Variants in LRBA observed in about 807,000 individuals in gnomAD.
LRBA encodes LPS responsive beige-like anchor protein.
Under a neutral mutation model 330.0 loss-of-function variants are expected in LRBA, and 176 were observed. That is an observed-to-expected ratio of 0.53 (90% CI 0.47 to 0.60). The LOEUF is 0.60. LRBA is among the 20% of genes least tolerant of loss of function. The pLI is 0.00. For missense variants in LRBA, 3,259 were observed against 3,444.8 expected (o/e 0.95, Z 1.35); for synonymous variants, 1,230 against 1,193.0 (o/e 1.03, Z -0.64).
At chr4:150,579,435 C>T in intron 40 of LRBA, 1 of 422,890 alleles carries the variant, frequency 2.4e-6, no homozygotes, top group Admixed American at 2.7e-5. Context: ...AAGTTTATTG[C>T]TCGAATGATG....
chr4:150,513,421 C>T (rs2152140549), intron 40 of LRBA, among the ~76,000 whole-genome samples: 1 of 152,302 alleles, frequency 6.6e-6, no homozygotes, highest in Non-Finnish European at 1.5e-5. Flanking sequence ...AGGTTCTCTA[C>T]AGTTGAGGTT....
chr4:150,910,265 C>A lies in LRBA; in HGVS notation c.1162-1408G>T, dbSNP rs190601046. On this transcript the variant is annotated intron_variant, in intron 9 of 56. Coordinates refer to ENST00000651943, the MANE Select transcript of LRBA (RefSeq NM_001364905.1). ...TCGTAAAGCTTTTCCCTTGTGTATT[C>A]TTTTAGGAGTTTTATAGTTTTACAT... Among the ~76,000 whole-genome samples the A allele has an allele frequency of 2.5e-4, 38 of 152,230 alleles. 1 individual carries two copies. In the East Asian group the frequency reaches 6.2e-3, roughly 25 times the overall value.
At position 150,264,797 on chromosome 4, in the gene LRBA, G is replaced by A. The variant is rs868388269; in HGVS notation, c.*925C>T. 6.6e-6 allele frequency: 1 copy of A among 152,552 alleles called. No individual in the cohort carries two copies. The highest frequency in any genetic ancestry group is 1.5e-5 in the Non-Finnish European group (1 of 68,044). 9.4% of individuals were successfully genotyped at this position (152,552 alleles called of 1,614,324 possible). ...ATTGTTTCGTTTCTTAGTACAAATT[G>A]CTAATCAAAAGGAAGGTGGAGATGA... On this transcript the variant is annotated 3_prime_UTR_variant, in exon 57 of 57. Coordinates refer to ENST00000651943, the MANE Select transcript of LRBA (RefSeq NM_001364905.1).
intron 28 of LRBA, among the ~76,000 whole-genome samples, chr4:150,837,973 G>T (rs868178839): frequency 1.3e-5 from 2 of 152,130 alleles, no homozygotes; most frequent in Non-Finnish European, 2.9e-5. Flanking sequence ...AGGAGCTCTT[G>T]TAGGGCAGGC....
intron 47 of LRBA, among the ~76,000 whole-genome samples, chr4:150,366,796 C>T (rs1477367979): frequency 1.3e-5 from 2 of 152,106 alleles, no homozygotes; most frequent in African/African-American, 2.4e-5. Flanking sequence ...AAAAGAGAAG[C>T]CAAGAGCTAT....
intron 53 of LRBA, among the ~76,000 whole-genome samples, chr4:150,287,403 A>G (rs188496923): frequency 6.6e-5 from 10 of 152,334 alleles, no homozygotes; most frequent in Admixed American, 6.5e-4. Context: ...GGGGAGGAAA[A>G]TAAGTTTTAC....
chr4:150,691,030 C>T (rs982279466), intron 36 of LRBA, among the ~76,000 whole-genome samples: 6 of 151,046 alleles, frequency 4.0e-5, no homozygotes, highest in Admixed American at 2.6e-4. Flanking sequence ...CCCAGGTTCA[C>T]GCCATTCTCC....
intron 37 of LRBA, among the ~76,000 whole-genome samples, chr4:150,644,720 A>T (rs1778973503): frequency 6.6e-6 from 1 of 151,946 alleles, no homozygotes; most frequent in African/African-American, 2.4e-5. Flanking sequence ...GAGCCTCTGA[A>T]TAATCTGCAT....
At chr4:150,850,089 A>G (rs769314868) in intron 24 of LRBA, among the ~76,000 whole-genome samples, 34 of 151,770 alleles carry the variant, frequency 2.2e-4, no homozygotes, top group Non-Finnish European at 3.8e-4. Context: ...TGATAATGTT[A>G]TAACAATTTT....
At chr4:150,961,088 T>C (rs1738089976) in intron 2 of LRBA, among the ~76,000 whole-genome samples, 2 of 149,090 alleles carry the variant, frequency 1.3e-5, no homozygotes, top group South Asian at 2.1e-4. Context: ...CAGGCTTTGA[T>C]TGCCAGTCAC....
intron 17 of LRBA, among the ~76,000 whole-genome samples, chr4:150,873,498 G>A (rs1423438887): frequency 6.6e-6 from 1 of 152,006 alleles, no homozygotes; most frequent in Non-Finnish European, 1.5e-5. Context: ...GCTGAGGCAG[G>A]AGAATCGCTT....
intron 2 of LRBA, among the ~76,000 whole-genome samples, chr4:150,985,999 T>G (rs1741422625): frequency 6.6e-6 from 1 of 152,200 alleles, no homozygotes; most frequent in Non-Finnish European, 1.5e-5. Flanking sequence ...GCTTTTTTTT[T>G]GGTAGAGATG....
At chr4:150,690,315 A>C (rs1252186612) in intron 36 of LRBA, among the ~76,000 whole-genome samples, 1 of 152,034 alleles carries the variant, frequency 6.6e-6, no homozygotes, top group Non-Finnish European at 1.5e-5. Context: ...CACCCTAGAA[A>C]ACAAGGTGAA....
intron 40 of LRBA, among the ~76,000 whole-genome samples, chr4:150,537,189 A>T (rs1208880620): frequency 6.6e-6 from 1 of 152,152 alleles, no homozygotes; most frequent in African/African-American, 2.4e-5. Context: ...CACCTACAAC[A>T]AAAGTTTTAA....
At chr4:150,467,868 G>A in intron 43 of LRBA, 83 bp from the exon 44 acceptor site, 1 of 601,926 alleles carries the variant, frequency 1.7e-6, no homozygotes, top group East Asian at 3.2e-5. Flanking sequence ...CTAAAAATAA[G>A]ATTAAACAAT....
At chr4:150,297,227 T>C (rs1729089882) in intron 53 of LRBA, among the ~76,000 whole-genome samples, 1 of 152,164 alleles carries the variant, frequency 6.6e-6, no homozygotes, top group South Asian at 2.1e-4. Flanking sequence ...ATGTGATATA[T>C]TGGCATATCA....
chr4:150,432,508 A>G (rs1371180913), intron 46 of LRBA, among the ~76,000 whole-genome samples: 1 of 118,344 alleles, frequency 8.4e-6, no homozygotes, highest in Non-Finnish European at 1.6e-5. Context: ...CCCAGGCTGG[A>G]GTGCAGTGGC....
At chr4:150,586,428 G>A (rs1772118420) in intron 40 of LRBA, among the ~76,000 whole-genome samples, 1 of 151,980 alleles carries the variant, frequency 6.6e-6, no homozygotes, top group Non-Finnish European at 1.5e-5. Flanking sequence ...AACACTGCAG[G>A]AACATAAATG....
At chr4:150,874,720 C>T (rs750761129) in intron 17 of LRBA, among the ~76,000 whole-genome samples, 11 of 151,980 alleles carry the variant, frequency 7.2e-5, no homozygotes, top group South Asian at 6.2e-4. Context: ...CCCCACCCTT[C>T]GTAGACACAG....
Sources: gnomAD v4.1 joint callset for allele counts (sites outside exome capture counted in the v4.1 genomes callset) on GRCh38, gnomAD v4.1.1 for gene constraint, MANE v1.5 for transcripts, NCBI Gene and HGNC (gene_info 2026-07-23, HGNC 2026-07-21) for gene names.